Variants in RASSF8 observed in about 807,000 individuals in gnomAD.
RASSF8 encodes ras association domain-containing protein 8.
A neutral mutation model predicts 48.5 loss-of-function variants in RASSF8; 22 were observed. That is an observed-to-expected ratio of 0.45 (90% CI 0.32 to 0.65). RASSF8 has a LOEUF of 0.65. Ranked by LOEUF, RASSF8 falls within the 30% of genes least tolerant of loss-of-function variation. The pLI, the probability that RASSF8 is intolerant of heterozygous loss-of-function variation, is 0.03. For synonymous variants in RASSF8, 127 were observed against 171.5 expected (o/e 0.74, Z 2.03); for missense variants, 418 against 489.2 (o/e 0.85, Z 1.37).
rs188175871 is a variant in RASSF8, at chr12:26,045,767, G to A, written c.-108-9469G>A. 2.7e-3 allele frequency among the ~76,000 whole-genome samples: 407 copies of A among 152,234 alleles called. 3 individuals carry two copies. Among genetic ancestry groups the A allele is most frequent in the African/African-American group, 9.6e-3 (400 of 41,524 alleles). ...ATGTCTTTTTATCCCCTATTAAGTAGAATGGTGGATTTCATTGCAAAATGT... is the reference window on the plus strand; with the variant it reads ...ATGTCTTTTTATCCCCTATTAAGTAAAATGGTGGATTTCATTGCAAAATGT... On this transcript the variant is annotated intron_variant, in intron 2 of 5. Coordinates refer to ENST00000689635, the MANE Select transcript of RASSF8 (RefSeq NM_001394098.1).
At chr12:26,019,333 A>C (rs1237685023) in intron 2 of RASSF8, among the ~76,000 whole-genome samples, 2 of 152,036 alleles carry the variant, frequency 1.3e-5, no homozygotes, top group Non-Finnish European at 2.9e-5. Flanking sequence ...TATTTTGAGA[A>C]GGAGCAAAAA....
chr12:26,023,778 TAAAA>T (rs1037622411), intron 2 of RASSF8, among the ~76,000 whole-genome samples: 1 of 152,084 alleles, frequency 6.6e-6, no homozygotes, highest in South Asian at 2.1e-4. Flanking sequence ...AAAGAAATTA[TAAAA>T]AAAGTATAGA....
intron 3 of RASSF8, among the ~76,000 whole-genome samples, chr12:26,056,150 A>C (rs1020802794): frequency 6.6e-6 from 1 of 152,226 alleles, no homozygotes; most frequent in South Asian, 2.1e-4. Flanking sequence ...ATGCCACTGC[A>C]CTACAGCTTG....
chr12:25,991,828 G>A (rs1451869286), intron 1 of RASSF8, among the ~76,000 whole-genome samples: 1 of 152,136 alleles, frequency 6.6e-6, no homozygotes, highest in Non-Finnish European at 1.5e-5. Flanking sequence ...AAAACCATTG[G>A]GGGCCATTGT....
intron 2 of RASSF8, chr12:26,020,479 A>G (rs1273457257): frequency 6.6e-6 from 1 of 152,184 alleles, no homozygotes; most frequent in African/African-American, 2.4e-5. Context: ...TGTAAATATA[A>G]AATAAACCAA....
At chr12:26,015,539 C>A (rs1355707) in intron 2 of RASSF8, among the ~76,000 whole-genome samples, 107,918 of 152,056 alleles carry the variant, frequency 0.71, 38,387 homozygotes, top group South Asian at 0.77. Context: ...GGTGAAATCT[C>A]ATCCAAATTA....
chr12:25,965,200 CA>C (rs1941329869), intron 1 of RASSF8, among the ~76,000 whole-genome samples: 1 of 152,134 alleles, frequency 6.6e-6, no homozygotes, highest in African/African-American at 2.4e-5. Context: ...CTCGGCCTCC[CA>C]AAGTGCTGGG....
chr12:25,998,376 T>C (rs1296803846), intron 2 of RASSF8, among the ~76,000 whole-genome samples: 1 of 147,672 alleles, frequency 6.8e-6, no homozygotes, highest in African/African-American at 2.5e-5. Flanking sequence ...TGAGATGGAG[T>C]TTCACTCTTG....
At chr12:26,021,862 A>G (rs544840445) in intron 2 of RASSF8, among the ~76,000 whole-genome samples, 4 of 152,320 alleles carry the variant, frequency 2.6e-5, no homozygotes, top group Admixed American at 6.5e-5. Flanking sequence ...TTTTATTTGA[A>G]GCACAGTGTG....
downstream of RASSF8, among the ~76,000 whole-genome samples, chr12:26,073,792 T>TTATA (rs5797161): frequency 7.2e-5 from 10 of 139,694 alleles, no homozygotes; most frequent in African/African-American, 2.5e-4. Context: ...TATATACACA[T>TTATA]TATGTATACA....
chr12:26,034,680 A>G (rs778291642), intron 2 of RASSF8, among the ~76,000 whole-genome samples: 1 of 152,084 alleles, frequency 6.6e-6, no homozygotes, highest in Non-Finnish European at 1.5e-5. Flanking sequence ...TATTTCCCAT[A>G]TTTCGAAATT....
rs1400579181 is a variant in RASSF8, at chr12:25,958,819, TC to T, written c.-531del. 1 of 146,656 alleles carries T rather than the reference TC, an allele frequency of 6.8e-6. No individual in the cohort carries two copies. The highest frequency in any genetic ancestry group is 2.0e-4 in the East Asian group (1 of 5,038). 9.1% of individuals were successfully genotyped at this position (146,656 alleles called of 1,614,324 possible). ...GCTCCTCGCCCAGCCTCGCCGAGCC[TC>T]GCCCTTCCCGCCCGCGGCGGCGTTG... On this transcript the variant is annotated 5_prime_UTR_variant, in exon 1 of 6. Transcript: ENST00000689635.
intron 2 of RASSF8, among the ~76,000 whole-genome samples, chr12:26,022,949 G>T (rs775151251): frequency 1.8e-4 from 27 of 152,212 alleles, no homozygotes; most frequent in Non-Finnish European, 2.9e-4. Flanking sequence ...GTTTTTCCAT[G>T]TTGGTCAGGC....
chr12:25,989,154 C>T (rs1941956395), intron 1 of RASSF8, among the ~76,000 whole-genome samples: 1 of 152,104 alleles, frequency 6.6e-6, no homozygotes, highest in South Asian at 2.1e-4. Context: ...AACATTTCTG[C>T]CTGTCAGAAT....
chr12:26,014,822 G>A (rs1051623170), intron 2 of RASSF8, among the ~76,000 whole-genome samples: 7 of 152,072 alleles, frequency 4.6e-5, no homozygotes, highest in Admixed American at 3.3e-4. Flanking sequence ...ATAAAAACTT[G>A]TTAAGATTAG....
intron 1 of RASSF8, among the ~76,000 whole-genome samples, chr12:25,965,858 G>A (rs1175652029): frequency 2.0e-5 from 3 of 152,144 alleles, no homozygotes; most frequent in African/African-American, 7.2e-5. Context: ...GTTGATTTAT[G>A]TAGTAGTAGT....
intron 2 of RASSF8, among the ~76,000 whole-genome samples, chr12:26,027,360 T>A (rs926362328): frequency 6.6e-6 from 1 of 152,218 alleles, no homozygotes; most frequent in African/African-American, 2.4e-5. Flanking sequence ...TCAGTAAAGC[T>A]GTTGTTTAAA....
intron 1 of RASSF8, among the ~76,000 whole-genome samples, chr12:25,961,097 C>A (rs937869177): frequency 1.3e-5 from 2 of 152,120 alleles, no homozygotes; most frequent in African/African-American, 2.4e-5. Flanking sequence ...TGGTGACTTA[C>A]GTCAGTTTTT....
At chr12:26,000,425 A>C (rs1268700280) in intron 2 of RASSF8, among the ~76,000 whole-genome samples, 1 of 152,190 alleles carries the variant, frequency 6.6e-6, no homozygotes, top group Non-Finnish European at 1.5e-5. Flanking sequence ...TATATCATGT[A>C]CAAAAAGGCA....
Sources: gnomAD v4.1 joint callset for allele counts (sites outside exome capture counted in the v4.1 genomes callset) on GRCh38, gnomAD v4.1.1 for gene constraint, MANE v1.5 for transcripts, NCBI Gene and HGNC (gene_info 2026-07-23, HGNC 2026-07-21) for gene names.